EEFSEC: variants seen among roughly 807,000 people sequenced by gnomAD.
EEFSEC encodes the protein eukaryotic elongation factor, selenocysteine-tRNA specific.
EEFSEC carries 43 observed loss-of-function variants against 42.1 expected under a neutral mutation model. The observed-to-expected ratio is 1.02, with a 90% CI of 0.80 to 1.32. The LOEUF is 1.32. Among genes scored for constraint, EEFSEC ranks in the 40% most tolerant of loss-of-function variants. The probability of loss-of-function intolerance (pLI) is 0.00; values close to 1 mark genes in which losing one functional copy is unlikely to be tolerated. For synonymous variants in EEFSEC, 354 were observed against 339.1 expected (o/e 1.04, Z -0.48); for missense variants, 745 against 803.6 (o/e 0.93, Z 0.88).
intron 1 of EEFSEC, among the ~76,000 whole-genome samples, chr3:128,159,922 A>G (rs1025041275): frequency 6.6e-6 from 1 of 152,202 alleles, no homozygotes; most frequent in African/African-American, 2.4e-5. Flanking sequence ...CTTGTTGAGT[A>G]TCTGTCCTCT....
chr3:128,348,271 C>CCT (rs1553758423), intron 5 of EEFSEC, among the ~76,000 whole-genome samples: 1 of 147,702 alleles, frequency 6.8e-6, no homozygotes, highest in African/African-American at 2.5e-5. Context: ...TGTGTGTGTG[C>CCT]GTGTGCGTGT....
intron 4 of EEFSEC, among the ~76,000 whole-genome samples, chr3:128,269,751 C>T (rs1032452782): frequency 3.3e-5 from 5 of 152,202 alleles, no homozygotes; most frequent in Non-Finnish European, 5.9e-5. Flanking sequence ...AAAAAAATTC[C>T]ATTTAGTCCC....
At chr3:128,186,795 T>A (rs2065469689) in intron 1 of EEFSEC, among the ~76,000 whole-genome samples, 1 of 150,846 alleles carries the variant, frequency 6.6e-6, no homozygotes, top group Non-Finnish European at 1.5e-5. Flanking sequence ...TTCTGAACTA[T>A]TTTTTTTTTA....
At chr3:128,160,449 G>A (rs1202167853) in intron 1 of EEFSEC, among the ~76,000 whole-genome samples, 3 of 152,190 alleles carry the variant, frequency 2.0e-5, no homozygotes, top group Non-Finnish European at 4.4e-5. Context: ...CTAGAGAATG[G>A]CCCTTAGTGT....
chr3:128,155,586 C>G (rs1240905267), intron 1 of EEFSEC, among the ~76,000 whole-genome samples: 1 of 152,160 alleles, frequency 6.6e-6, no homozygotes, highest in Non-Finnish European at 1.5e-5. Flanking sequence ...CTGCTGACCC[C>G]AGTACCTGAT....
intron 1 of EEFSEC, among the ~76,000 whole-genome samples, chr3:128,225,822 G>T (rs1219755583): frequency 6.6e-6 from 1 of 152,178 alleles, no homozygotes; most frequent in Admixed American, 6.5e-5. Context: ...GCAGGTTTTG[G>T]AGAGAAGGAA....
chr3:128,415,793 G>T, the EEFSEC span, among the ~76,000 whole-genome samples: 1 of 152,196 alleles, frequency 6.6e-6, no homozygotes, highest in African/African-American at 2.4e-5. Flanking sequence ...TCTCCTGGCC[G>T]GCCTCTTATG....
chr3:128,301,316 G>A (rs1344600220), intron 4 of EEFSEC, among the ~76,000 whole-genome samples: 1 of 152,210 alleles, frequency 6.6e-6, no homozygotes, highest in East Asian at 1.9e-4. Context: ...CTTTTACCTG[G>A]GCAGCTCCTA....
chr3:128,398,204 G>C (rs569379068), intron 6 of EEFSEC, among the ~76,000 whole-genome samples: 7 of 152,326 alleles, frequency 4.6e-5, no homozygotes, highest in South Asian at 2.1e-4. Flanking sequence ...AGTGTGGGGG[G>C]CCTTGGCCCT....
intron 1 of EEFSEC, among the ~76,000 whole-genome samples, chr3:128,211,464 G>A (rs1160996676): frequency 1.3e-5 from 2 of 151,840 alleles, no homozygotes; most frequent in Non-Finnish European, 1.5e-5. Context: ...ATAACATACT[G>A]TTACTTGACA....
intron 1 of EEFSEC, among the ~76,000 whole-genome samples, chr3:128,227,562 C>G (rs1017965470): frequency 3.9e-5 from 6 of 152,186 alleles, no homozygotes; most frequent in Admixed American, 3.3e-4. Flanking sequence ...GGACCCATTT[C>G]TACAAGGGTC....
intron 6 of EEFSEC, among the ~76,000 whole-genome samples, chr3:128,370,635 G>A (rs1355967202): frequency 3.9e-5 from 6 of 152,084 alleles, no homozygotes; most frequent in African/African-American, 7.2e-5. Flanking sequence ...CCCTCTCCCC[G>A]ACCACCCACC....
In EEFSEC at chr3:128,355,463, C is replaced by T. The variant is rs530091399; in HGVS notation, c.1444-2754C>T. 1.9e-4 allele frequency among the ~76,000 whole-genome samples: 29 copies of T among 152,068 alleles called. No homozygotes were observed. The East Asian group carries it at 5.4e-3, about 28-fold the overall frequency. On this transcript the variant is annotated intron_variant, in intron 5 of 6. Transcript: ENST00000254730. Reference sequence around the variant, plus strand: ...GAGGCATAACAGAGGGGCATGAGGACCCTGGGGGTGATAGATATGTTCATT... The same window carrying T: ...GAGGCATAACAGAGGGGCATGAGGATCCTGGGGGTGATAGATATGTTCATT...
intron 5 of EEFSEC, among the ~76,000 whole-genome samples, chr3:128,344,426 CAA>C (rs2067289315): frequency 6.6e-6 from 1 of 152,140 alleles, no homozygotes; most frequent in Non-Finnish European, 1.5e-5. Context: ...AAATTTCAAA[CAA>C]GACAATAATT....
At chr3:128,230,643 G>A (rs2065951226) in intron 1 of EEFSEC, among the ~76,000 whole-genome samples, 1 of 152,208 alleles carries the variant, frequency 6.6e-6, no homozygotes, top group East Asian at 1.9e-4. Context: ...GTATCCATGA[G>A]CCTCACACTG....
intron 2 of EEFSEC, among the ~76,000 whole-genome samples, chr3:128,260,085 T>C (rs1158138762): frequency 6.6e-6 from 1 of 152,204 alleles, no homozygotes; most frequent in Non-Finnish European, 1.5e-5. Context: ...TCCCTTCATT[T>C]TTGTAACATT....
intron 5 of EEFSEC, among the ~76,000 whole-genome samples, chr3:128,347,849 A>G (rs759608793): frequency 9.2e-5 from 14 of 152,232 alleles, no homozygotes; most frequent in Non-Finnish European, 1.5e-4. Flanking sequence ...GGCACTTCAG[A>G]GTCCATATTT....
At chr3:128,229,225 G>C (rs966096200) in intron 1 of EEFSEC, among the ~76,000 whole-genome samples, 4 of 152,126 alleles carry the variant, frequency 2.6e-5, no homozygotes, top group Non-Finnish European at 4.4e-5. Context: ...CTAGGTGTGG[G>C]GCCTCGGTCC....
At chr3:128,419,801 C>G in the EEFSEC span, among the ~76,000 whole-genome samples, 8 of 152,106 alleles carry the variant, frequency 5.3e-5, no homozygotes, top group Non-Finnish European at 1.2e-4. Flanking sequence ...GGTGAGGCCC[C>G]GACACATCTC....
Sources: gnomAD v4.1 joint callset for allele counts (sites outside exome capture counted in the v4.1 genomes callset) on GRCh38, gnomAD v4.1.1 for gene constraint, MANE v1.5 for transcripts, NCBI Gene and HGNC (gene_info 2026-07-23, HGNC 2026-07-21) for gene names.